SAMSN1: variants seen among roughly 807,000 people sequenced by gnomAD.
SAMSN1 encodes the protein SAM domain, SH3 domain and nuclear localization signals 1.
A neutral mutation model predicts 42.0 loss-of-function variants in SAMSN1; 31 were observed. The observed-to-expected ratio is 0.74, with a 90% CI of 0.55 to 1.00. The LOEUF (loss-of-function observed/expected upper bound fraction) is 1.00. Among genes scored for constraint, SAMSN1 ranks in the 50% least tolerant of loss-of-function variants. The probability of loss-of-function intolerance (pLI) is 0.00; values close to 1 mark genes in which losing one functional copy is unlikely to be tolerated. For missense variants in SAMSN1, 464 were observed against 439.4 expected, an observed-to-expected ratio of 1.06 and a Z score of -0.50; for synonymous variants, 178 against 151.9, an observed-to-expected ratio of 1.17 and a Z score of -1.26.
chr21:14,561,855 G>T (rs998195695), intron 2 of SAMSN1, among the ~76,000 whole-genome samples: 1 of 152,174 alleles, frequency 6.6e-6, no homozygotes. Flanking sequence ...ATGGAGGCAG[G>T]AAGTGGAATT....
At chr21:14,643,680 C>T (rs900236612) in intron 1 of SAMSN1, among the ~76,000 whole-genome samples, 1 of 152,200 alleles carries the variant, frequency 6.6e-6, no homozygotes, top group East Asian at 1.9e-4. Context: ...CAACTATCTA[C>T]ACAGAAAAAC....
intron 2 of SAMSN1, among the ~76,000 whole-genome samples, chr21:14,638,001 G>A (rs1983507358): frequency 6.6e-6 from 1 of 152,128 alleles, no homozygotes; most frequent in African/African-American, 2.4e-5. Context: ...TCCTGGGAGG[G>A]GAGAGTGGTG....
At chr21:14,543,949 G>A (rs907688716) in intron 1 of SAMSN1, among the ~76,000 whole-genome samples, 3 of 152,152 alleles carry the variant, frequency 2.0e-5, no homozygotes, top group African/African-American at 7.2e-5. Flanking sequence ...TCTAAACATA[G>A]ACCCTTTCTA....
intron 2 of SAMSN1, among the ~76,000 whole-genome samples, chr21:14,629,141 A>G (rs554398950): frequency 6.6e-6 from 1 of 152,314 alleles, no homozygotes; most frequent in Admixed American, 6.5e-5. Context: ...GATTAGCTAC[A>G]AAAATGCAGA....
At chr21:14,642,384 G>A (rs533807249) in intron 2 of SAMSN1, among the ~76,000 whole-genome samples, 2 of 152,204 alleles carry the variant, frequency 1.3e-5, no homozygotes, top group Non-Finnish European at 2.9e-5. Context: ...AAATGATGGT[G>A]TGTATCCATA....
intron 6 of SAMSN1, among the ~76,000 whole-genome samples, chr21:14,599,913 T>G (rs1398528516): frequency 6.6e-6 from 1 of 152,198 alleles, no homozygotes; most frequent in East Asian, 1.9e-4. Flanking sequence ...CAACACAAAA[T>G]GGACTAAGAC....
intron 2 of SAMSN1, among the ~76,000 whole-genome samples, chr21:14,636,073 G>A (rs188356021): frequency 9.9e-5 from 15 of 152,102 alleles, no homozygotes; most frequent in Admixed American, 9.8e-4. Context: ...TTGGATTTCT[G>A]CAAGAGACAT....
intron 2 of SAMSN1, among the ~76,000 whole-genome samples, chr21:14,632,281 G>C (rs926965745): frequency 8.6e-5 from 13 of 151,896 alleles, no homozygotes; most frequent in Non-Finnish European, 1.8e-4. Context: ...TATGTGTTTT[G>C]AGTTCCCAAT....
At position 14,622,453 on chromosome 21, in the gene SAMSN1, G is replaced by C. The variant is rs367867243; in HGVS notation, c.157-6437C>G. On this transcript the variant is annotated intron_variant, in intron 2 of 15. Transcript: ENST00000647101. The stretch of plus-strand genomic sequence containing the variant: ...TGACCTGATGGAGCTGAAAACCATG[G>C]TACAAGAACTACGTGACGAATCCAC... 2.6e-5 allele frequency among the ~76,000 whole-genome samples: 4 copies of C among 152,308 alleles called. No individual in the cohort carries two copies. The South Asian group carries it at 8.3e-4, about 32-fold the overall frequency.
rs987133392 is a variant in SAMSN1 at position 14,500,638 on chromosome 21, T to G, written c.659A>C (p.Asp220Ala). 1 of 1,614,158 alleles carries G rather than the reference T, an allele frequency of 6.2e-7. No individual in the cohort carries two copies. Among genetic ancestry groups the G allele is most frequent in the Admixed American group, 1.7e-5 (1 of 60,026 alleles). The change falls in exon 6 of 8, where the codon GAT becomes GCT. Residue 220 changes from aspartate to alanine, a missense_variant. Coordinates refer to ENST00000400566, the MANE Select transcript of SAMSN1 (RefSeq NM_022136.5). ...KVGNFKFIYV[D>A]VISEEEAAPK... ...GGCTGCTTCCTCTTCTGAGATGACATCCACATAAATGAATTTGAAGTTTCC... is the reference window on the plus strand; with the variant it reads ...GGCTGCTTCCTCTTCTGAGATGACAGCCACATAAATGAATTTGAAGTTTCC...
chr21:14,554,516 ACTT>A (rs1362482604), intron 2 of SAMSN1, among the ~76,000 whole-genome samples: 1 of 151,514 alleles, frequency 6.6e-6, no homozygotes, highest in Non-Finnish European at 1.5e-5. Flanking sequence ...TTTTATTCTG[ACTT>A]CTTCTGTTTG....
At chr21:14,537,897 G>C (rs537211715) in intron 1 of SAMSN1, among the ~76,000 whole-genome samples, 1 of 152,140 alleles carries the variant, frequency 6.6e-6, no homozygotes, top group East Asian at 1.9e-4. Context: ...TGGAATGCCC[G>C]TGCTGTTGCT....
At chr21:14,640,504 G>A (rs1983568632) in intron 2 of SAMSN1, among the ~76,000 whole-genome samples, 1 of 151,946 alleles carries the variant, frequency 6.6e-6, no homozygotes, top group African/African-American at 2.4e-5. Context: ...AGTCTGGTCC[G>A]AAACTTTTTT....
intron 2 of SAMSN1, among the ~76,000 whole-genome samples, chr21:14,551,604 A>C (rs988179896): frequency 6.6e-5 from 10 of 152,118 alleles, no homozygotes; most frequent in Non-Finnish European, 1.2e-4. Context: ...TTGGCATAAC[A>C]AATAATGATA....
chr21:14,515,685 A>G (rs1056087143), intron 3 of SAMSN1, among the ~76,000 whole-genome samples: 4 of 152,236 alleles, frequency 2.6e-5, no homozygotes, highest in African/African-American at 9.6e-5. Context: ...CAACACCATC[A>G]AGAAAATAAA....
chr21:14,519,472 T>C (rs139732505), intron 2 of SAMSN1, among the ~76,000 whole-genome samples: 1 of 152,018 alleles, frequency 6.6e-6, no homozygotes, highest in Non-Finnish European at 1.5e-5. Context: ...AATAAAATTA[T>C]ATACAGTTTC....
intron 2 of SAMSN1, among the ~76,000 whole-genome samples, chr21:14,559,445 T>C (rs1157800126): frequency 6.6e-6 from 1 of 152,170 alleles, no homozygotes; most frequent in Non-Finnish European, 1.5e-5. Flanking sequence ...AAGAGTCTTT[T>C]CTATGACTGA....
chr21:14,597,687 T>C (rs950213424), intron 6 of SAMSN1, among the ~76,000 whole-genome samples: 1 of 152,184 alleles, frequency 6.6e-6, no homozygotes, highest in Non-Finnish European at 1.5e-5. Context: ...CTTATGTTTC[T>C]GTAAAATAGA....
chr21:14,600,580 A>C (rs2123297431), intron 6 of SAMSN1, among the ~76,000 whole-genome samples: 1 of 152,292 alleles, frequency 6.6e-6, no homozygotes, highest in Middle Eastern at 3.4e-3. Context: ...TGTTAGGGTA[A>C]AGATTTATCT....
Sources: allele counts gnomAD v4.1 joint callset (sites outside exome capture counted in the v4.1 genomes callset), GRCh38; gene constraint gnomAD v4.1.1; transcripts MANE v1.5; gene names NCBI Gene and HGNC (gene_info 2026-07-23, HGNC 2026-07-21).